KIF13B: variants seen among roughly 807,000 people sequenced by gnomAD.
KIF13B encodes kinesin family member 13B, also known as kinesin-like protein KIF13B.
Under a neutral mutation model 222.0 loss-of-function variants are expected in KIF13B, and 127 were observed. That is an observed-to-expected ratio of 0.57 (90% confidence interval 0.50 to 0.66). The LOEUF is 0.66. Ranked by LOEUF, KIF13B falls within the 30% of genes least tolerant of loss-of-function variation. KIF13B has a pLI of 0.00. For synonymous variants in KIF13B, 976 were observed against 919.0 expected (o/e 1.06, Z -1.12); for missense variants, 2,173 against 2,379.0 (o/e 0.91, Z 1.80).
intron 3 of KIF13B, among the ~76,000 whole-genome samples, chr8:29,195,427 T>A (rs975344914): frequency 2.6e-5 from 4 of 152,118 alleles, no homozygotes; most frequent in African/African-American, 4.8e-5. Flanking sequence ...GGAAAAAAAA[T>A]TTAATAAATA....
chr8:29,196,673 T>C (rs1813436427), intron 2 of KIF13B, among the ~76,000 whole-genome samples: 1 of 152,156 alleles, frequency 6.6e-6, no homozygotes, highest in Non-Finnish European at 1.5e-5. Context: ...AAGGCTAAAT[T>C]AAAGAAACCA....
chr8:29,079,447 A>G (rs905616692), intron 37 of KIF13B, among the ~76,000 whole-genome samples: 2 of 152,188 alleles, frequency 1.3e-5, no homozygotes, highest in Non-Finnish European at 2.9e-5. Flanking sequence ...TTGGAAGGAG[A>G]CAGACTACAG....
At position 29,071,992 on chromosome 8, in the gene KIF13B, C is replaced by A; in HGVS notation, c.4846G>T (p.Val1616Phe). ...PISHPPPPTAVPAEEPPGPQQ... is the reference protein window; with the variant it reads ...PISHPPPPTAFPAEEPPGPQQ... ...GGGCCAGGGGGCTCCTCGGCGGGGACGGCCGTGGGCGGTGGGGGGTGGCTG... is the reference window on the plus strand; with the variant it reads ...GGGCCAGGGGGCTCCTCGGCGGGGAAGGCCGTGGGCGGTGGGGGGTGGCTG... The change falls in exon 39 of 40, where the codon GTC (valine) becomes TTC (phenylalanine). Residue 1616 changes from valine to phenylalanine, a missense_variant. Transcript: ENST00000524189. The surrounding 1 kb of genome is among the most constrained non-coding windows in gnomAD (Gnocchi z 4.9). 7.8e-7 allele frequency: 1 copy of A among 1,289,872 alleles called. No homozygotes were observed. Among genetic ancestry groups the A allele is most frequent in the Non-Finnish European group, 9.8e-7 (1 of 1,021,420 alleles). 79.9% of individuals were successfully genotyped at this position (1,289,872 alleles called of 1,614,324 possible).
At chr8:29,142,404 TCAAATGGC>T in intron 18 of KIF13B, 101 bp from the exon 19 acceptor site, 1 of 992,232 alleles carries the variant, frequency 1.0e-6, no homozygotes, top group East Asian at 2.6e-5. Context: ...ACACCAAAAC[TCAAATGGC>T]AATCATCCTT....
intron 37 of KIF13B, among the ~76,000 whole-genome samples, chr8:29,075,571 C>T: frequency 6.8e-6 from 1 of 147,352 alleles, no homozygotes; most frequent in East Asian, 2.0e-4. Context: ...ACACATGGTG[C>T]ACTTACACAC....
chr8:29,135,146 C>A (rs113731272), intron 21 of KIF13B, among the ~76,000 whole-genome samples: 2,724 of 152,124 alleles, frequency 0.018, 56 homozygotes, highest in African/African-American at 0.048. Flanking sequence ...AGAGTTCAAG[C>A]GATCCTCCAG....
At chr8:29,227,129 A>G (rs1444670451) in intron 2 of KIF13B, among the ~76,000 whole-genome samples, 1 of 152,234 alleles carries the variant, frequency 6.6e-6, no homozygotes, top group Non-Finnish European at 1.5e-5. Context: ...ACCTTATTCA[A>G]TAAGGATTCA....
intron 1 of KIF13B, chr8:29,249,951 A>G (rs557863527): frequency 1.0e-6 from 1 of 985,292 alleles, no homozygotes; most frequent in Admixed American, 2.3e-5. Flanking sequence ...AGTCTCAGCC[A>G]CACTGCAACA....
At chr8:29,109,876 T>C in intron 33 of KIF13B, 42 bp downstream of exon 33, 3 of 1,600,730 alleles carry the variant, frequency 1.9e-6, no homozygotes, top group Non-Finnish European at 1.7e-6. Context: ...TCAGCCTGCA[T>C]CAGGGCCTCT....
At chr8:29,132,072 C>A (rs1183711824) in intron 23 of KIF13B, among the ~76,000 whole-genome samples, 10 of 152,218 alleles carry the variant, frequency 6.6e-5, no homozygotes, top group Admixed American at 6.5e-4. Flanking sequence ...TATGGTGAAA[C>A]CTTGTCTTTA....
intron 36 of KIF13B, among the ~76,000 whole-genome samples, chr8:29,095,645 T>C (rs1479463849): frequency 1.3e-5 from 2 of 152,138 alleles, no homozygotes; most frequent in African/African-American, 4.8e-5. Context: ...CACATGCCTG[T>C]AATCCCAGCT....
At chr8:29,077,247 C>T (rs1279421281) in intron 37 of KIF13B, among the ~76,000 whole-genome samples, 1 of 152,180 alleles carries the variant, frequency 6.6e-6, no homozygotes, top group East Asian at 1.9e-4. Context: ...CCCCTCTGCG[C>T]CCCTCCCAGC....
intron 2 of KIF13B, among the ~76,000 whole-genome samples, chr8:29,228,466 T>TAAAAAAAAAAAAAAAA (rs71551621): frequency 1.5e-5 from 1 of 68,268 alleles, no homozygotes; most frequent in Non-Finnish European, 3.3e-5. Flanking sequence ...GACTCCATCT[T>TAAAAAAAAAAAAAAAA]AAAAAAATAT....
At chr8:29,144,758 C>T (rs557140697) in intron 18 of KIF13B, among the ~76,000 whole-genome samples, 3 of 152,294 alleles carry the variant, frequency 2.0e-5, no homozygotes, top group East Asian at 3.9e-4. Flanking sequence ...GAAAAAAATT[C>T]ACCAGAGAAG....
chr8:29,088,294 T>A (rs1348997614), intron 37 of KIF13B, among the ~76,000 whole-genome samples: 2 of 152,154 alleles, frequency 1.3e-5, no homozygotes, highest in Non-Finnish European at 2.9e-5. Flanking sequence ...TTTTAAAGGC[T>A]GTAATACTCA....
intron 23 of KIF13B, 124 bp from the exon 24 acceptor site, chr8:29,130,789 C>T (rs943696536): frequency 8.2e-6 from 7 of 849,112 alleles, no homozygotes; most frequent in Admixed American, 2.4e-5. Flanking sequence ...TCAGAATGAT[C>T]TGTAGTTCAG....
chr8:29,105,650 GTTTTTTTT>G (rs869030059), intron 35 of KIF13B, among the ~76,000 whole-genome samples: 18 of 78,068 alleles, frequency 2.3e-4, no homozygotes, highest in South Asian at 5.6e-4. Context: ...AGTTTGTTTG[GTTTTTTTT>G]TTTTTTTTTT....
chr8:29,140,763 G>GT, intron 19 of KIF13B, 146 bp from the exon 20 acceptor site: 2 of 758,746 alleles, frequency 2.6e-6, no homozygotes, highest in Non-Finnish European at 4.1e-6. Context: ...ACATTCTAAA[G>GT]TTTTTGCTAA....
chr8:29,157,688 G>A (rs1261583925), intron 13 of KIF13B, among the ~76,000 whole-genome samples: 1 of 151,938 alleles, frequency 6.6e-6, no homozygotes, highest in African/African-American at 2.4e-5. Context: ...CTGGGCGAAA[G>A]AGCAAGACTC....
Sources: gnomAD v4.1 joint callset for allele counts (sites outside exome capture counted in the v4.1 genomes callset) on GRCh38, gnomAD v4.1.1 for gene constraint, Gnocchi (gnomAD v3.1) non-coding constraint, MANE v1.5 for transcripts, NCBI Gene and HGNC (gene_info 2026-07-23, HGNC 2026-07-21) for gene names.